Variants in SUMF1 observed in about 807,000 individuals in gnomAD.
SUMF1 encodes sulfatase modifying factor 1, also known as formylglycine-generating enzyme.
Under a neutral mutation model 47.6 loss-of-function variants are expected in SUMF1, and 48 were observed. The observed-to-expected ratio is 1.01, with a 90% confidence interval of 0.80 to 1.28. SUMF1 has a LOEUF of 1.28. Ranked by LOEUF, SUMF1 falls within the 50% of genes most tolerant of loss-of-function variation. SUMF1 has a pLI of 0.00. For synonymous variants in SUMF1, 230 were observed against 192.1 expected (o/e 1.20, Z -1.63); for missense variants, 571 against 485.4 (o/e 1.18, Z -1.66).
chr3:4,066,107 T>C (rs561850452), intron 9 of SUMF1, among the ~76,000 whole-genome samples: 2 of 152,010 alleles, frequency 1.3e-5, no homozygotes, highest in African/African-American at 2.4e-5. Flanking sequence ...GAAAAGTGGA[T>C]CTGGAAGGGA....
chr3:4,429,519 T>C (rs1237811761), intron 3 of SUMF1, among the ~76,000 whole-genome samples: 2 of 152,150 alleles, frequency 1.3e-5, no homozygotes, highest in Non-Finnish European at 2.9e-5. Context: ...GAACAGGAAA[T>C]TCTCCCACAC....
chr3:4,119,190 C>T (rs1336748303), intron 8 of SUMF1, among the ~76,000 whole-genome samples: 2 of 152,168 alleles, frequency 1.3e-5, no homozygotes, highest in African/African-American at 2.4e-5. Context: ...CCGGACTGCT[C>T]TCTCCGCCTA....
chr3:4,365,954 C>G (rs963108489), intron 8 of SUMF1, among the ~76,000 whole-genome samples: 27 of 152,074 alleles, frequency 1.8e-4, no homozygotes, highest in Admixed American at 1.0e-3. Flanking sequence ...TGTAAAGTAT[C>G]TTATTTCTCC....
chr3:4,300,848 G>A (rs1036465259), intron 8 of SUMF1, among the ~76,000 whole-genome samples: 2 of 151,900 alleles, frequency 1.3e-5, no homozygotes, highest in African/African-American at 2.4e-5. Context: ...TTGACCTGGA[G>A]CTCTAATCAG....
At chr3:4,240,032 G>A (rs1156311554) in intron 8 of SUMF1, among the ~76,000 whole-genome samples, 1 of 152,032 alleles carries the variant, frequency 6.6e-6, no homozygotes, top group Non-Finnish European at 1.5e-5. Context: ...TAATCATGTG[G>A]TTTTTGTCAT....
rs1366253228 is a variant in SUMF1 at position 4,082,751 on chromosome 3, A to G, written c.1015-14006T>C. Among the ~76,000 whole-genome samples the G allele has an allele frequency of 3.3e-5, 5 of 152,154 alleles. 1 individual carries two copies. Among genetic ancestry groups the G allele is most frequent in the African/African-American group, 1.2e-4 (5 of 41,422 alleles). ...ATAGACATTTTAAAAAGAGAGAAAG[A>G]GAGATTACATCCTGTTTGGGGGAGA... On this transcript the variant is annotated intron_variant and NMD_transcript_variant, in intron 8 of 12. Transcript: ENST00000448413.
intron 8 of SUMF1, among the ~76,000 whole-genome samples, chr3:4,152,420 T>A (rs570354514): frequency 4.6e-5 from 7 of 151,080 alleles, no homozygotes; most frequent in Non-Finnish European, 7.4e-5. Context: ...CCCGAGTAGC[T>A]AGAACTACAG....
At chr3:4,063,486 ACCCGTCAGGCATGCTCACAGCT>A (rs1695313218) in intron 9 of SUMF1, among the ~76,000 whole-genome samples, 1 of 152,006 alleles carries the variant, frequency 6.6e-6, no homozygotes, top group Non-Finnish European at 1.5e-5. Context: ...ATATATATTT[ACCCGTCAGGCATGCTCACAGCT>A]CCCGTCATAA....
intron 8 of SUMF1, among the ~76,000 whole-genome samples, chr3:4,099,842 T>C (rs1337495792): frequency 6.7e-6 from 1 of 149,690 alleles, no homozygotes; most frequent in East Asian, 2.0e-4. Context: ...ACTAAGAAAA[T>C]AATCCCACCT....
At chr3:4,403,042 A>T (rs1701264889) in intron 7 of SUMF1, among the ~76,000 whole-genome samples, 1 of 152,212 alleles carries the variant, frequency 6.6e-6, no homozygotes, top group Non-Finnish European at 1.5e-5. Context: ...TACCAGTAGG[A>T]TAGCACTGAC....
intron 8 of SUMF1, among the ~76,000 whole-genome samples, chr3:4,368,061 G>A (rs949480879): frequency 7.2e-5 from 11 of 152,008 alleles, no homozygotes; most frequent in Non-Finnish European, 2.9e-5. Flanking sequence ...CCTACAAAAT[G>A]GGAGAAAATT....
At chr3:4,423,024 A>C (rs1277038992) in intron 3 of SUMF1, among the ~76,000 whole-genome samples, 1 of 152,130 alleles carries the variant, frequency 6.6e-6, no homozygotes, top group Non-Finnish European at 1.5e-5. Context: ...ATAAGTGAGA[A>C]CATATGTTGT....
intron 8 of SUMF1, among the ~76,000 whole-genome samples, chr3:4,137,797 G>A (rs576498811): frequency 2.0e-5 from 3 of 152,026 alleles, no homozygotes; most frequent in African/African-American, 7.2e-5. Flanking sequence ...CTGTACTGGA[G>A]GTTCTAGCCA....
chr3:4,074,987 C>T (rs1692386545), intron 8 of SUMF1, among the ~76,000 whole-genome samples: 1 of 152,136 alleles, frequency 6.6e-6, no homozygotes, highest in African/African-American at 2.4e-5. Flanking sequence ...CTCCCTAACT[C>T]ATTTTATGAG....
intron 7 of SUMF1, among the ~76,000 whole-genome samples, chr3:4,404,126 T>C (rs1243219456): frequency 6.6e-6 from 1 of 152,226 alleles, no homozygotes; most frequent in Non-Finnish European, 1.5e-5. Context: ...TTTGAGTTTA[T>C]TTCTATTTCT....
intron 8 of SUMF1, among the ~76,000 whole-genome samples, chr3:4,336,005 A>G (rs531758388): frequency 6.8e-6 from 1 of 146,148 alleles, no homozygotes; most frequent in South Asian, 2.2e-4. Flanking sequence ...AGCCAGTACC[A>G]GGCATTGATA....
intron 8 of SUMF1, among the ~76,000 whole-genome samples, chr3:4,298,560 T>A (rs13095349): frequency 0.36 from 54,110 of 151,884 alleles, 10,259 homozygotes; most frequent in Non-Finnish European, 0.43. Context: ...CAAGAAAGAG[T>A]CAAAAACTAA....
chr3:4,290,928 AC>A (rs1697729237), intron 8 of SUMF1, among the ~76,000 whole-genome samples: 1 of 152,178 alleles, frequency 6.6e-6, no homozygotes, highest in Admixed American at 6.6e-5. Flanking sequence ...AGGAAAAAAA[AC>A]AACTGTAAAT....
intron 8 of SUMF1, among the ~76,000 whole-genome samples, chr3:4,130,605 CG>C (rs1559495696): frequency 6.6e-6 from 1 of 152,022 alleles, no homozygotes; most frequent in East Asian, 1.9e-4. Flanking sequence ...AACTAAAATT[CG>C]GGGAACTTCT....
Sources: allele counts gnomAD v4.1 joint callset (sites outside exome capture counted in the v4.1 genomes callset), GRCh38; gene constraint gnomAD v4.1.1; transcripts MANE v1.5; gene names NCBI Gene and HGNC (gene_info 2026-07-23, HGNC 2026-07-21).